The following COL19A1 variants were observed in gnomAD, a reference collection of about 807,000 sequenced individuals.
The protein encoded by COL19A1 is collagen alpha-1(XIX) chain.
A neutral mutation model predicts 190.2 loss-of-function variants in COL19A1; 159 were observed. The observed-to-expected ratio is 0.84, with a 90% CI of 0.73 to 0.95. The LOEUF is 0.95. COL19A1 is among the 40% of genes least tolerant of loss of function. COL19A1 has a pLI of 0.00. For missense variants in COL19A1, 1,418 were observed against 1,431.9 expected (o/e 0.99, Z 0.16); for synonymous variants, 509 against 458.9 (o/e 1.11, Z -1.39).
intron 9 of COL19A1, among the ~76,000 whole-genome samples, chr6:69,959,101 G>T (rs1381915984): frequency 6.6e-6 from 1 of 152,108 alleles, no homozygotes; most frequent in Non-Finnish European, 1.5e-5. Context: ...TTGAGAATAT[G>T]CACATCCTCT....
chr6:69,926,072 CT>C (rs1247646306), intron 4 of COL19A1, among the ~76,000 whole-genome samples: 2 of 152,046 alleles, frequency 1.3e-5, no homozygotes, highest in African/African-American at 4.8e-5. Flanking sequence ...ATTGAATACC[CT>C]TTATTTCTTT....
intron 12 of COL19A1, among the ~76,000 whole-genome samples, chr6:70,027,922 T>C (rs75544969): frequency 0.099 from 15,103 of 152,208 alleles, 807 homozygotes; most frequent in East Asian, 0.2. Flanking sequence ...AACTAGCTGA[T>C]GTACTACTTG....
chr6:70,029,926 A>G (rs1228520985), intron 12 of COL19A1, among the ~76,000 whole-genome samples: 1 of 152,170 alleles, frequency 6.6e-6, no homozygotes, highest in Non-Finnish European at 1.5e-5. Context: ...TCTCTACAAC[A>G]TATGATTCTC....
chr6:70,133,507 T>C (rs535588112), intron 18 of COL19A1, among the ~76,000 whole-genome samples: 1 of 152,242 alleles, frequency 6.6e-6, no homozygotes, highest in East Asian at 1.9e-4. Flanking sequence ...TGACAGGATG[T>C]GGTGAAGGGA....
intron 11 of COL19A1, among the ~76,000 whole-genome samples, chr6:69,968,333 A>G (rs1418176505): frequency 6.6e-6 from 1 of 152,190 alleles, no homozygotes; most frequent in Non-Finnish European, 1.5e-5. Flanking sequence ...TGTTTTCAGC[A>G]TTAAAAATAT....
chr6:70,042,000 G>A (rs1018203001), intron 14 of COL19A1, among the ~76,000 whole-genome samples: 1 of 152,170 alleles, frequency 6.6e-6, no homozygotes, highest in Non-Finnish European at 1.5e-5. Flanking sequence ...CCCAGGAGGA[G>A]GTTGCAGTGA....
intron 47 of COL19A1, among the ~76,000 whole-genome samples, chr6:70,189,383 C>T (rs1357068834): frequency 1.3e-5 from 2 of 152,186 alleles, no homozygotes; most frequent in African/African-American, 4.8e-5. Context: ...TTCCGTAGAG[C>T]TTCCAACTCT....
chr6:69,953,200 TA>T (rs1353149249), intron 9 of COL19A1, among the ~76,000 whole-genome samples: 1 of 152,048 alleles, frequency 6.6e-6, no homozygotes, highest in Non-Finnish European at 1.5e-5. Context: ...TTAGGCTTTA[TA>T]AAACAAGAAT....
rs1766640387 is a variant in COL19A1, at chr6:70,188,127, C to T, written c.2909C>T (p.Pro970Leu). The T allele has an allele frequency of 6.2e-7, 1 of 1,613,592 alleles. No individual in the cohort carries two copies. Among genetic ancestry groups the T allele is most frequent in the South Asian group, 1.1e-5 (1 of 90,912 alleles). ...GGCTCACAAGGTGAACGGGGAAAAC[C>T]AGGCCTTACAGGCATGAAGGGGGCC... ...DRGSQGERGKPGLTGMKGAIG... is the reference protein window; with the variant it reads ...DRGSQGERGKLGLTGMKGAIG... The change falls in exon 47 of 51, where the codon CCA (proline) becomes CTA (leucine). Residue 970 changes from proline to leucine, a missense_variant. Transcript: ENST00000620364.
At position 70,149,728 on chromosome 6, in the gene COL19A1, C is replaced by T; in HGVS notation, c.1918C>T (p.Pro640Ser). 2 of 1,613,516 alleles carry T rather than the reference C, an allele frequency of 1.2e-6. No homozygotes were observed. The highest frequency in any genetic ancestry group is 1.7e-6 in the Non-Finnish European group (2 of 1,179,722). ...GGGCGCCCAAGGACCAGCTGGAGAG[C>T]CAGGTATTCAGGTAAGCTATTTAAC... Reference protein sequence around the residue: ...RTGAQGPAGEPGIQGPRGLPG... With the variant: ...RTGAQGPAGESGIQGPRGLPG... Residue 640 changes from proline (P) to serine (S), a missense_variant, in exon 28 of 51, where the codon CCA (proline) becomes TCA (serine). Coordinates refer to ENST00000620364, the MANE Select transcript of COL19A1 (RefSeq NM_001858.6).
At chr6:70,096,091 T>C (rs907677697) in intron 15 of COL19A1, among the ~76,000 whole-genome samples, 8 of 151,274 alleles carry the variant, frequency 5.3e-5, no homozygotes, top group African/African-American at 1.7e-4. Context: ...TCTATTTTTT[T>C]TTTTTTTTGA....
intron 36 of COL19A1, among the ~76,000 whole-genome samples, chr6:70,164,357 G>C (rs1251535139): frequency 6.6e-6 from 1 of 152,154 alleles, no homozygotes; most frequent in Non-Finnish European, 1.5e-5. Context: ...GATCGGGGAA[G>C]TAAGAATCAA....
At chr6:69,989,604 T>G (rs905206552) in intron 11 of COL19A1, among the ~76,000 whole-genome samples, 40 of 150,978 alleles carry the variant, frequency 2.6e-4, no homozygotes, top group Non-Finnish European at 3.1e-4. Flanking sequence ...GTGTATTTTA[T>G]GTGTGGCCCA....
chr6:70,104,224 C>A (rs1783813569), intron 16 of COL19A1, among the ~76,000 whole-genome samples: 1 of 152,102 alleles, frequency 6.6e-6, no homozygotes, highest in Non-Finnish European at 1.5e-5. Context: ...TCTCATACTG[C>A]TATGAAGAAC....
At chr6:70,119,624 A>G (rs6455355) in intron 16 of COL19A1, among the ~76,000 whole-genome samples, 80,396 of 152,008 alleles carry the variant, frequency 0.53, 23,266 homozygotes, top group African/African-American at 0.77. Flanking sequence ...CTAATGTTAA[A>G]TATTAGCCCT....
chr6:70,137,349 A>C (rs906328342), intron 18 of COL19A1, among the ~76,000 whole-genome samples: 10 of 152,150 alleles, frequency 6.6e-5, no homozygotes, highest in Non-Finnish European at 1.3e-4. Context: ...ATCACACACA[A>C]AAAAAATTGG....
intron 15 of COL19A1, among the ~76,000 whole-genome samples, chr6:70,101,673 C>T (rs1039222495): frequency 3.3e-5 from 5 of 152,030 alleles, no homozygotes; most frequent in Admixed American, 2.0e-4. Flanking sequence ...AATGCAGATT[C>T]GTGGCTCCGA....
Position 70,149,703 on chromosome 6 carries a change from G to C in COL19A1, c.1894-1G>C. The stretch of plus-strand genomic sequence containing the variant: ...AATAATAAAATCTCATTTGTACTCA[G>C]GGCGCCCAAGGACCAGCTGGAGAGC... On this transcript the variant is annotated splice_acceptor_variant, in intron 27 of 50. Transcript: ENST00000620364. LOFTEE classifies it high-confidence loss of function. The C allele has an allele frequency of 6.2e-7, 1 of 1,613,406 alleles. No individual in the cohort carries two copies.
At chr6:69,938,855 C>A (rs1428951236) in intron 9 of COL19A1, among the ~76,000 whole-genome samples, 3 of 152,118 alleles carry the variant, frequency 2.0e-5, no homozygotes, top group African/African-American at 7.2e-5. Flanking sequence ...TATCTTTTGT[C>A]AGCTAATCAG....
Sources: allele counts gnomAD v4.1 joint callset (sites outside exome capture counted in the v4.1 genomes callset), GRCh38; gene constraint gnomAD v4.1.1; transcripts MANE v1.5; gene names NCBI Gene and HGNC (gene_info 2026-07-23, HGNC 2026-07-21).